SAMHD1: variants seen among roughly 807,000 people sequenced by gnomAD.
The protein encoded by SAMHD1 is deoxynucleoside triphosphate triphosphohydrolase SAMHD1.
In SAMHD1, 54 loss-of-function variants were observed where a neutral mutation model predicts 79.6. The ratio of observed to expected loss-of-function variants is 0.68; its 90% CI spans 0.55 to 0.85. The LOEUF (loss-of-function observed/expected upper bound fraction) is 0.85, where lower values mean the gene tolerates loss of function less well. Among genes scored for constraint, SAMHD1 ranks in the 40% least tolerant of loss-of-function variants. The pLI is 0.00. For synonymous variants in SAMHD1, 260 were observed against 264.1 expected (o/e 0.98, Z 0.15); for missense variants, 663 against 782.7 (o/e 0.85, Z 1.82).
intron 6 of SAMHD1, among the ~76,000 whole-genome samples, chr20:36,920,345 G>C (rs2063497301): frequency 6.6e-6 from 1 of 151,982 alleles, no homozygotes; most frequent in African/African-American, 2.4e-5. Context: ...TGAACTCCTA[G>C]GCTCAAATAA....
At chr20:36,905,751 A>G (rs1193809112) in intron 11 of SAMHD1, among the ~76,000 whole-genome samples, 1 of 152,120 alleles carries the variant, frequency 6.6e-6, no homozygotes, top group African/African-American at 2.4e-5. Context: ...CGGGCGGATC[A>G]CTTGAGGTAA....
intron 6 of SAMHD1, among the ~76,000 whole-genome samples, chr20:36,925,642 G>A (rs6030195): frequency 0.51 from 77,965 of 152,054 alleles, 21,837 homozygotes; most frequent in African/African-American, 0.74. Context: ...CTACAACTCA[G>A]TAATCAAAGA....
intron 10 of SAMHD1, chr20:36,912,005 T>C (rs1470660672): frequency 5.0e-6 from 1 of 200,022 alleles, no homozygotes; most frequent in Non-Finnish European, 1.0e-5. Context: ...TTCCTGTTGG[T>C]TTTACCATTT....
intron 15 of SAMHD1, among the ~76,000 whole-genome samples, chr20:36,897,155 T>C (rs557035516): frequency 1.3e-5 from 2 of 152,334 alleles, no homozygotes; most frequent in Admixed American, 1.3e-4. Context: ...TCTCACCCTA[T>C]CCTTTGTTCC....
At chr20:36,947,258 T>C (rs1198909967) in intron 1 of SAMHD1, among the ~76,000 whole-genome samples, 5 of 152,230 alleles carry the variant, frequency 3.3e-5, no homozygotes, top group Non-Finnish European at 7.4e-5. Context: ...GCTTAAAGTG[T>C]TGATTTTTCT....
Position 36,930,869 on chromosome 20 carries a change from C to G in SAMHD1, c.516G>C (p.Gly172=), listed in dbSNP as rs539358895. ...CGTGAACTAGACATCCTGCTAGATA[C>G]CCCACCCTGCAGAGCAAAAACACAA... ...HNRFEHSLGV[G]YLAGCLVHAL... is the part of the protein sequence containing the mutation. Residue 172 remains glycine, a synonymous_variant, in exon 5 of 16, where the codon GGG becomes GGC. Transcript: ENST00000646673. 1 of 1,609,926 alleles carries G rather than the reference C, an allele frequency of 6.2e-7. No homozygotes were observed. Among genetic ancestry groups the G allele is most frequent in the South Asian group, 1.1e-5 (1 of 90,998 alleles).
At position 36,946,757 on chromosome 20, in the gene SAMHD1, A is replaced by C. The variant is rs2063688997; in HGVS notation, c.256T>G (p.Phe86Val). Residue 86 changes from phenylalanine (F) to valine (V), a missense_variant, in exon 2 of 16, where the codon TTT becomes GTT. By Grantham distance (50) the Phe-to-Val change is conservative. Coordinates refer to ENST00000646673, the MANE Select transcript of SAMHD1 (RefSeq NM_015474.4). Reference sequence around the variant, plus strand: ...TCTTACCTTACTCCAAGATTTTCAAAACGAGACTCATCAAGACAAGGCAGT... The same window carrying C: ...TCTTACCTTACTCCAAGATTTTCAACACGAGACTCATCAAGACAAGGCAGT... ...ALLPCLDESR[F>V]ENLGVSSLGE... 5 of 1,612,940 alleles carry C rather than the reference A, an allele frequency of 3.1e-6. No individual in the cohort carries two copies. Among genetic ancestry groups the C allele is most frequent in the African/African-American group, 1.3e-5 (1 of 74,924 alleles).
chr20:36,944,077 C>CAAAAAAAAAAAAAAAAA (rs542947370), intron 2 of SAMHD1, among the ~76,000 whole-genome samples: 4 of 89,998 alleles, frequency 4.4e-5, no homozygotes, highest in African/African-American at 1.7e-4. Flanking sequence ...GACTCCATCT[C>CAAAAAAAAAAAAAAAAA]AAAAAAAAAA....
At position 36,919,050 on chromosome 20, in the gene SAMHD1, C is replaced by T. The variant is rs192895713; in HGVS notation, c.852+314G>A. On this transcript the variant is annotated intron_variant, in intron 7 of 15. Transcript: ENST00000646673. ...ACTCAGGAGGCTGAGGTAGGAGGATCGCTTGAGCCTGGGAGGTGGAAGTTG... is the reference window on the plus strand; with the variant it reads ...ACTCAGGAGGCTGAGGTAGGAGGATTGCTTGAGCCTGGGAGGTGGAAGTTG... Among the ~76,000 whole-genome samples the T allele has an allele frequency of 8.1e-3, 1,225 of 150,888 alleles. 18 individuals are homozygous for T. Among genetic ancestry groups the T allele is most frequent in the African/African-American group, 0.028 (1,154 of 41,084 alleles).
chr20:36,892,668 T>C lies in SAMHD1; in HGVS notation c.*264A>G, dbSNP rs1317977397. The C allele has an allele frequency of 3.9e-6, 2 of 511,628 alleles. No homozygotes were observed. Among genetic ancestry groups the C allele is most frequent in the African/African-American group, 3.9e-5 (2 of 51,566 alleles). 31.7% of individuals were successfully genotyped at this position (511,628 alleles called of 1,614,324 possible). On this transcript the variant is annotated 3_prime_UTR_variant, in exon 16 of 16. Coordinates refer to ENST00000646673, the MANE Select transcript of SAMHD1 (RefSeq NM_015474.4). ...ATAGAGTTCAGAATAGATAAAAGAGTTGTTATTCTAAGAAAATAGACTACT... is the reference window on the plus strand; with the variant it reads ...ATAGAGTTCAGAATAGATAAAAGAGCTGTTATTCTAAGAAAATAGACTACT...
chr20:36,918,119 A>G (rs1166100697), intron 7 of SAMHD1, among the ~76,000 whole-genome samples: 1 of 151,774 alleles, frequency 6.6e-6, no homozygotes, highest in African/African-American at 2.4e-5. Context: ...CCTCCCAAGC[A>G]TCTGAGACTA....
chr20:36,907,155 G>A (rs553758472), intron 11 of SAMHD1, among the ~76,000 whole-genome samples: 46 of 151,490 alleles, frequency 3.0e-4, no homozygotes, highest in African/African-American at 1.1e-3. Context: ...GCAGTGGCGC[G>A]ATCATAGTTC....
intron 4 of SAMHD1, among the ~76,000 whole-genome samples, chr20:36,933,295 T>C (rs766903049): frequency 5.3e-5 from 8 of 152,190 alleles, no homozygotes; most frequent in Non-Finnish European, 1.2e-4. Flanking sequence ...CAGACCAACG[T>C]CTCAGCTTAG....
chr20:36,919,657 T>C, intron 6 of SAMHD1, 138 bp from the exon 7 acceptor site: 2 of 795,590 alleles, frequency 2.5e-6, no homozygotes, highest in East Asian at 2.7e-5. Flanking sequence ...CTAACCACAA[T>C]CTTAGGAACA....
At chr20:36,919,117 C>T (rs1169678801) in intron 7 of SAMHD1, among the ~76,000 whole-genome samples, 1 of 152,120 alleles carries the variant, frequency 6.6e-6, no homozygotes, top group Non-Finnish European at 1.5e-5. Context: ...GCCTGTGTGA[C>T]AGAGTAAGAC....
In SAMHD1 at chr20:36,892,912, AAAC is replaced by A; in HGVS notation, c.*17_*19del. 1 of 1,614,078 alleles carries A rather than the reference AAAC, an allele frequency of 6.2e-7. No individual in the cohort carries two copies. The highest frequency in any genetic ancestry group is 8.5e-7 in the Non-Finnish European group (1 of 1,179,970). ...GAATTGTGCAGGAGAGGGAGTTTGT[AAAC>A]AACTGACTACAGACATTCACATTGG... On this transcript the variant is annotated 3_prime_UTR_variant, in exon 16 of 16. Coordinates refer to ENST00000646673, the MANE Select transcript of SAMHD1 (RefSeq NM_015474.4).
chr20:36,901,267 C>T (rs931370013), intron 13 of SAMHD1, among the ~76,000 whole-genome samples: 1 of 152,090 alleles, frequency 6.6e-6, no homozygotes, highest in Non-Finnish European at 1.5e-5. Context: ...TGGGCTCAAG[C>T]GATCTTCCCA....
At chr20:36,941,184 T>A in intron 2 of SAMHD1, 73 bp from the exon 3 acceptor site, 1 of 991,224 alleles carries the variant, frequency 1.0e-6, no homozygotes. Flanking sequence ...ATAGTAGACA[T>A]AATAAACTTT....
chr20:36,939,275 A>AAAAAG (rs2063625430), intron 3 of SAMHD1, among the ~76,000 whole-genome samples: 4 of 139,782 alleles, frequency 2.9e-5, no homozygotes, highest in African/African-American at 8.2e-5. Context: ...AAAAAAAAAA[A>AAAAAG]AAAAGAAAAG....
Sources: allele counts gnomAD v4.1 joint callset (sites outside exome capture counted in the v4.1 genomes callset), GRCh38; gene constraint gnomAD v4.1.1; transcripts MANE v1.5; gene names NCBI Gene and HGNC (gene_info 2026-07-23, HGNC 2026-07-21).